Variants in RORB observed in about 807,000 individuals in gnomAD.
RORB encodes nuclear receptor ROR-beta.
RORB carries 6 observed loss-of-function variants against 59.1 expected under a neutral mutation model. The ratio of observed to expected loss-of-function variants is 0.10; its 90% CI spans 0.06 to 0.20. The LOEUF (loss-of-function observed/expected upper bound fraction) is 0.20. Among genes scored for constraint, RORB ranks in the 10% least tolerant of loss-of-function variants. The probability of loss-of-function intolerance (pLI) is 1.00; values close to 1 mark genes in which losing one functional copy is unlikely to be tolerated. For synonymous variants in RORB, 215 were observed against 204.5 expected (o/e 1.05, Z -0.44); for missense variants, 320 against 560.5 (o/e 0.57, Z 4.33).
chr9:74,685,151 T>C (rs1563974540), intron 9 of RORB, among the ~76,000 whole-genome samples: 1 of 151,768 alleles, frequency 6.6e-6, no homozygotes, highest in Non-Finnish European at 1.5e-5. Context: ...GTAGCCCAAC[T>C]ACAGAGCACC....
intron 7 of RORB, among the ~76,000 whole-genome samples, chr9:74,667,265 G>A (rs938924513): frequency 6.6e-6 from 1 of 152,158 alleles, no homozygotes; most frequent in Admixed American, 6.5e-5. Flanking sequence ...AATTTCCAAG[G>A]AAATTGCGAA....
chr9:74,626,218 T>C (rs1219770752), intron 1 of RORB, among the ~76,000 whole-genome samples: 1 of 152,124 alleles, frequency 6.6e-6, no homozygotes, highest in Non-Finnish European at 1.5e-5. Context: ...TATTCCATAA[T>C]TGTTGAATAG....
At chr9:74,644,235 C>T (rs928576527) in intron 4 of RORB, among the ~76,000 whole-genome samples, 1 of 152,162 alleles carries the variant, frequency 6.6e-6, no homozygotes, top group Non-Finnish European at 1.5e-5. Context: ...AGCAATGCAG[C>T]ATGTGACAGT....
At chr9:74,640,563 GCA>G (rs1823786737) in intron 3 of RORB, among the ~76,000 whole-genome samples, 13 of 152,092 alleles carry the variant, frequency 8.5e-5, no homozygotes, top group South Asian at 6.2e-4. Flanking sequence ...GATTACAGGT[GCA>G]AGCCACCGCA....
At chr9:74,670,281 T>C (rs181833974) in intron 8 of RORB, among the ~76,000 whole-genome samples, 43 of 152,350 alleles carry the variant, frequency 2.8e-4, no homozygotes, top group Admixed American at 7.2e-4. Flanking sequence ...GGAGATGGTT[T>C]TCCTCTAGTT....
chr9:74,519,609 C>G (rs867838634), intron 1 of RORB, among the ~76,000 whole-genome samples: 1 of 151,904 alleles, frequency 6.6e-6, no homozygotes, highest in Non-Finnish European at 1.5e-5. Flanking sequence ...TAAATGCTGA[C>G]GTAGACTTTT....
intron 1 of RORB, among the ~76,000 whole-genome samples, chr9:74,608,500 C>T (rs1412078257): frequency 6.8e-6 from 1 of 147,624 alleles, no homozygotes; most frequent in Non-Finnish European, 1.5e-5. Flanking sequence ...GGAGGCGGAG[C>T]TTGCAGTGAG....
At chr9:74,681,833 A>T (rs1490691922) in intron 9 of RORB, among the ~76,000 whole-genome samples, 1 of 152,250 alleles carries the variant, frequency 6.6e-6, no homozygotes, top group Non-Finnish European at 1.5e-5. Flanking sequence ...ATATGATTCT[A>T]CATTGTGAGT....
At chr9:74,577,971 A>G (rs1822663122) in intron 1 of RORB, among the ~76,000 whole-genome samples, 1 of 152,112 alleles carries the variant, frequency 6.6e-6, no homozygotes, top group Non-Finnish European at 1.5e-5. Flanking sequence ...ACTGAAAGAA[A>G]TCTCAAAATA....
intron 3 of RORB, among the ~76,000 whole-genome samples, chr9:74,641,885 T>C (rs1823812773): frequency 6.6e-6 from 1 of 152,046 alleles, no homozygotes; most frequent in Admixed American, 6.6e-5. Flanking sequence ...CCAGCCTGGG[T>C]GACAGAGCAA....
At chr9:74,605,002 A>G (rs759279179) in intron 1 of RORB, among the ~76,000 whole-genome samples, 1 of 152,240 alleles carries the variant, frequency 6.6e-6, no homozygotes, top group African/African-American at 2.4e-5. Context: ...CTGATAAAGT[A>G]TGGTAAGCCC....
rs759399191 is a variant in RORB at position 74,665,534 on chromosome 9, A to G, written c.939A>G (p.Pro313=). The part of the protein sequence containing the change: ...VLVRMCRAFN[P]LNNTVLFEGK... ...TGAGAATGTGCCGTGCCTTCAACCC[A>G]TTAAACAACACTGTTCTGTTTGAAG... Residue 313 remains proline (P), a synonymous_variant, in exon 7 of 10, where the codon CCA becomes CCG. Transcript: ENST00000376896. 6.2e-7 allele frequency: 1 copy of G among 1,613,100 alleles called. No individual in the cohort carries two copies.
intron 1 of RORB, among the ~76,000 whole-genome samples, chr9:74,552,078 A>G (rs1826619260): frequency 6.6e-6 from 1 of 152,170 alleles, no homozygotes; most frequent in African/African-American, 2.4e-5. Flanking sequence ...CAGGTGGAAG[A>G]GAGGTTACAG....
intron 8 of RORB, among the ~76,000 whole-genome samples, chr9:74,670,931 G>A (rs1433868470): frequency 6.6e-6 from 1 of 152,182 alleles, no homozygotes; most frequent in East Asian, 1.9e-4. Context: ...CCTGAACTGT[G>A]TTCAGGAAGA....
chr9:74,569,654 A>G (rs1308861234), intron 1 of RORB, among the ~76,000 whole-genome samples: 1 of 152,088 alleles, frequency 6.6e-6, no homozygotes, highest in African/African-American at 2.4e-5. Flanking sequence ...CTCATCATTG[A>G]AACCAGGTGA....
At chr9:74,522,228 A>T (rs12337850) in intron 1 of RORB, among the ~76,000 whole-genome samples, 4,926 of 151,836 alleles carry the variant, frequency 0.032, 257 homozygotes, top group African/African-American at 0.11. Flanking sequence ...CCTCTAAAAA[A>T]TTGGCTGTCT....
At chr9:74,604,578 T>C (rs1325454494) in intron 1 of RORB, among the ~76,000 whole-genome samples, 2 of 152,238 alleles carry the variant, frequency 1.3e-5, no homozygotes, top group African/African-American at 4.8e-5. Flanking sequence ...CAGCTCTTAA[T>C]TTTCAACCAT....
Position 74,642,417 on chromosome 9 carries a change from T to C in RORB, c.239T>C (p.Val80Ala). 2 of 1,605,928 alleles carry C rather than the reference T, an allele frequency of 1.2e-6. No homozygotes were observed. Among genetic ancestry groups the C allele is most frequent in the Non-Finnish European group, 1.7e-6 (2 of 1,175,468 alleles). Reference sequence around the variant, plus strand: ...TCTGCTTTTCTCTCCAACCCAGCTGTGAAGTTTGGGAGGATGTCCAAGAAG... The same window carrying C: ...TCTGCTTTTCTCTCCAACCCAGCTGCGAAGTTTGGGAGGATGTCCAAGAAG... ...CLALGMSRDA[V>A]KFGRMSKKQR... Residue 80 changes from valine to alanine, a missense_variant, in exon 4 of 10, where the codon GTG becomes GCG. Around this residue, in one of 4 missense-constraint regions of RORB, gnomAD observed 37 missense variants for 116.4 expected, o/e 0.32. Coordinates refer to ENST00000376896, the MANE Select transcript of RORB (RefSeq NM_006914.4).
At position 74,542,876 on chromosome 9, in the gene RORB, C is replaced by T. The variant is rs192710282; in HGVS notation, c.7+44893C>T. On this transcript the variant is annotated intron_variant, in intron 1 of 9. Transcript: ENST00000376896. ...AATCTGGATCAAGGTCTGGTCTTTG[C>T]ATAGCCTATCTTTGTAGTGCCAGGC... Among the ~76,000 whole-genome samples the T allele has an allele frequency of 2.6e-5, 4 of 152,314 alleles. No homozygotes were observed. In the East Asian group the frequency reaches 7.7e-4, roughly 29 times the overall value.
Sources: allele counts gnomAD v4.1 joint callset (sites outside exome capture counted in the v4.1 genomes callset), GRCh38; gene constraint gnomAD v4.1.1; regional missense constraint gnomAD v4.1.1; transcripts MANE v1.5; gene names NCBI Gene and HGNC (gene_info 2026-07-23, HGNC 2026-07-21).